Variants in LY75 observed in about 807,000 individuals in gnomAD.
LY75 encodes the protein lymphocyte antigen 75.
A neutral mutation model predicts 231.7 loss-of-function variants in LY75; 185 were observed. That is an observed-to-expected ratio of 0.80 (90% CI 0.71 to 0.90). LY75 has a LOEUF of 0.90. LY75 is among the 40% of genes least tolerant of loss of function. LY75 has a pLI of 0.00. For missense variants in LY75, 1,947 were observed against 2,050.2 expected, an observed-to-expected ratio of 0.95 and a Z score of 0.97; for synonymous variants, 668 against 689.0, an observed-to-expected ratio of 0.97 and a Z score of 0.48.
At chr2:159,850,275 A>C (rs746574315) in intron 22 of LY75, 87 bp downstream of exon 22, 173 of 1,534,526 alleles carry the variant, frequency 1.1e-4, no homozygotes, top group Non-Finnish European at 1.5e-4. Flanking sequence ...TTTAATAAGA[A>C]TTTTTGTATG....
At chr2:159,899,574 T>G (rs1025954226) in intron 1 of LY75, among the ~76,000 whole-genome samples, 14 of 152,222 alleles carry the variant, frequency 9.2e-5, no homozygotes, top group African/African-American at 3.4e-4. Context: ...GAAAAGTCGA[T>G]GCTTAACACA....
chr2:159,854,367 A>T lies in LY75; in HGVS notation c.2588T>A (p.Ile863Lys), dbSNP rs760103990. 7.0e-7 allele frequency: 1 copy of T among 1,421,598 alleles called. No individual in the cohort carries two copies. The highest frequency in any genetic ancestry group is 9.3e-7 in the Non-Finnish European group (1 of 1,075,890). 88.1% of individuals were successfully genotyped at this position (1,421,598 alleles called of 1,614,324 possible). ...TATATTCTTTTAAATTACATTTGCT[A>T]TTTTGTTTTTGATGGCTTTTAGTCC... ...FVGLKAIKNK[I>K]ANISGDGQKW... Residue 863 changes from isoleucine to lysine, a missense_variant, in exon 18 of 35, where the codon ATA (isoleucine) becomes AAA (lysine). Transcript: ENST00000263636.
intron 33 of LY75, chr2:159,808,245 CA>C (rs1372383948): frequency 2.6e-6 from 2 of 774,198 alleles, no homozygotes; most frequent in Non-Finnish European, 3.1e-6. Context: ...TTTTCTGTGT[CA>C]TTAGTGGTTT....
At chr2:159,834,273 A>G (rs1381919893) in intron 26 of LY75, 62 bp from the exon 27 acceptor site, 4 of 1,595,136 alleles carry the variant, frequency 2.5e-6, no homozygotes, top group Non-Finnish European at 1.7e-6. Flanking sequence ...TCCTGTTTGC[A>G]GTCATTAGGC....
chr2:159,874,787 A>ATATGTAAATATATATATTTTGTAAATT (rs1685194730), intron 12 of LY75, among the ~76,000 whole-genome samples: 1 of 73,748 alleles, frequency 1.4e-5, no homozygotes, highest in African/African-American at 4.1e-5. Context: ...TTTTGTAAAT[A>ATATGTAAATATATATATTTTGTAAATT]TATGTAAATA....
At chr2:159,847,618 G>A (rs1449418216) in intron 23 of LY75, among the ~76,000 whole-genome samples, 1 of 152,068 alleles carries the variant, frequency 6.6e-6, no homozygotes, top group Admixed American at 6.6e-5. Flanking sequence ...ATAGCTATTG[G>A]GCAAATTAAA....
Position 159,810,688 on chromosome 2 carries a change from T to C in LY75, c.4550-13A>G, listed in dbSNP as rs1433217397. On this transcript the variant is annotated splice_polypyrimidine_tract_variant and intron_variant, in intron 31 of 34. Transcript: ENST00000263636. ...GACAGCTTTTTAGCTATAAAAATGTTAGACACAGTTGTAACAATGCATGGA... is the reference window on the plus strand; with the variant it reads ...GACAGCTTTTTAGCTATAAAAATGTCAGACACAGTTGTAACAATGCATGGA... 3.7e-6 allele frequency: 6 copies of C among 1,607,428 alleles called. No homozygotes were observed. The South Asian group carries it at 6.7e-5, about 18-fold the overall frequency.
At chr2:159,884,357 A>G (rs1165442900) in intron 6 of LY75, among the ~76,000 whole-genome samples, 2 of 152,120 alleles carry the variant, frequency 1.3e-5, no homozygotes, top group African/African-American at 4.8e-5. Context: ...AATACCAGGT[A>G]TACATCAGGC....
chr2:159,879,329 T>C lies in LY75; in HGVS notation c.1445A>G (p.Lys482Arg). 6.2e-7 allele frequency: 1 copy of C among 1,613,776 alleles called. No homozygotes were observed. Among genetic ancestry groups the C allele is most frequent in the Non-Finnish European group, 8.5e-7 (1 of 1,179,888 alleles). ...WKVQSCEEKL[K>R]YVCKRKGEKL... ...TTCTCCCTTTCTCTTGCATACATAT[T>C]TTAGTTTCTCCTCACATGATTGGAC... Residue 482 changes from lysine to arginine, a missense_variant, in exon 9 of 35, where the codon AAA becomes AGA. Lys to Arg is a conservative substitution (Grantham distance 26). Transcript: ENST00000263636.
intron 31 of LY75, among the ~76,000 whole-genome samples, chr2:159,813,250 A>T (rs1017676775): frequency 9.2e-5 from 14 of 151,960 alleles, no homozygotes; most frequent in African/African-American, 3.4e-4. Context: ...CACAGTGGTT[A>T]CACTGTTTTA....
At chr2:159,826,512 G>A (rs190827050) in intron 28 of LY75, among the ~76,000 whole-genome samples, 148 of 152,164 alleles carry the variant, frequency 9.7e-4, no homozygotes, top group Non-Finnish European at 1.4e-3. Flanking sequence ...AATCAATATC[G>A]TGAAAATGGC....
intron 23 of LY75, among the ~76,000 whole-genome samples, chr2:159,847,409 A>T (rs1684236887): frequency 6.6e-6 from 1 of 151,978 alleles, no homozygotes; most frequent in Non-Finnish European, 1.5e-5. Flanking sequence ...ATGGCTCACT[A>T]CAGACTTGAA....
intron 1 of LY75, chr2:159,903,428 A>C (rs1035273870): frequency 1.1e-4 from 16 of 152,296 alleles, no homozygotes; most frequent in Middle Eastern, 6.8e-3. Context: ...ATCTTATTTT[A>C]AAGGATTCTT....
intron 25 of LY75, among the ~76,000 whole-genome samples, chr2:159,837,713 T>G (rs1683876375): frequency 6.6e-6 from 1 of 150,398 alleles, no homozygotes; most frequent in South Asian, 2.1e-4. Flanking sequence ...CTATTTGATA[T>G]TCTATTCTCA....
intron 20 of LY75, among the ~76,000 whole-genome samples, chr2:159,852,903 T>A (rs951631925): frequency 6.6e-6 from 1 of 152,130 alleles, no homozygotes; most frequent in Admixed American, 6.6e-5. Context: ...GTGACTACCA[T>A]ACCATCCCAG....
At position 159,898,805 on chromosome 2, in the gene LY75, C is replaced by T. The variant is rs767805199; in HGVS notation, c.349G>A (p.Gly117Arg). 14 of 1,614,082 alleles carry T rather than the reference C, an allele frequency of 8.7e-6. No individual in the cohort carries two copies. The highest frequency in any genetic ancestry group is 4.5e-5 in the East Asian group (2 of 44,900). ...AGAGCCAGCCGGTACCGGGCAGCTC[C>T]GTACAGAGAGTGGTGCTCACATTTC... Reference protein sequence around the residue: ...WWKCEHHSLYGAARYRLALKD... With the variant: ...WWKCEHHSLYRAARYRLALKD... The change falls in exon 2 of 35, where the codon GGA becomes AGA. Residue 117 changes from glycine to arginine, a missense_variant. By Grantham distance (125) the Gly-to-Arg change is moderately radical. Transcript: ENST00000263636.
chr2:159,843,804 T>A (rs765790708), intron 23 of LY75, among the ~76,000 whole-genome samples: 1 of 152,128 alleles, frequency 6.6e-6, no homozygotes, highest in East Asian at 1.9e-4. Flanking sequence ...AGGTTTTGAA[T>A]GTTATCTTTA....
At chr2:159,862,891 C>T (rs1410921438) in intron 14 of LY75, among the ~76,000 whole-genome samples, 3 of 152,052 alleles carry the variant, frequency 2.0e-5, no homozygotes, top group Non-Finnish European at 4.4e-5. Context: ...CAATAGATCT[C>T]TTGAACTTAT....
At chr2:159,867,288 C>A (rs1684886024) in intron 13 of LY75, among the ~76,000 whole-genome samples, 1 of 152,018 alleles carries the variant, frequency 6.6e-6, no homozygotes, top group Non-Finnish European at 1.5e-5. Flanking sequence ...TGTGCGGGAT[C>A]AGAAGTGGAA....
Sources: gnomAD v4.1 joint callset for allele counts (sites outside exome capture counted in the v4.1 genomes callset) on GRCh38, gnomAD v4.1.1 for gene constraint, MANE v1.5 for transcripts, NCBI Gene and HGNC (gene_info 2026-07-23, HGNC 2026-07-21) for gene names.